Variants in CNTN1 observed in about 807,000 individuals in gnomAD.
CNTN1 encodes the protein contactin 1.
In CNTN1, 38 loss-of-function variants were observed where a neutral mutation model predicts 126.4. The observed-to-expected ratio is 0.30, with a 90% confidence interval of 0.23 to 0.39. The LOEUF (loss-of-function observed/expected upper bound fraction) is 0.39, where lower values mean the gene tolerates loss of function less well. Ranked by LOEUF, CNTN1 falls within the 10% of genes least tolerant of loss-of-function variation. The pLI is 1.00. For missense variants in CNTN1, 1,009 were observed against 1,248.4 expected (o/e 0.81, Z 2.89); for synonymous variants, 413 against 422.6 (o/e 0.98, Z 0.28).
At chr12:40,983,009 G>T (rs1053063579) in intron 16 of CNTN1, among the ~76,000 whole-genome samples, 5 of 151,762 alleles carry the variant, frequency 3.3e-5, no homozygotes, top group African/African-American at 1.2e-4. Context: ...GTTAATGGGT[G>T]CAGTAAACCA....
At chr12:40,849,983 A>G (rs756973237) in intron 1 of CNTN1, among the ~76,000 whole-genome samples, 10 of 152,052 alleles carry the variant, frequency 6.6e-5, no homozygotes, top group Non-Finnish European at 1.3e-4. Context: ...AGATCTATAT[A>G]TATATATGTG....
chr12:40,819,313 T>C (rs1170385186), intron 1 of CNTN1, among the ~76,000 whole-genome samples: 1 of 152,164 alleles, frequency 6.6e-6, no homozygotes, highest in Non-Finnish European at 1.5e-5. Context: ...CCCCAGAGAC[T>C]GCGGCCACCC....
chr12:40,972,311 A>G (rs893685275), intron 15 of CNTN1: 4 of 985,212 alleles, frequency 4.1e-6, no homozygotes, highest in African/African-American at 1.7e-5. Flanking sequence ...TGAGGAGTAT[A>G]TAATTCTTTC....
intron 1 of CNTN1, among the ~76,000 whole-genome samples, chr12:40,852,828 A>G (rs902361748): frequency 7.9e-5 from 12 of 151,626 alleles, no homozygotes; most frequent in Non-Finnish European, 1.3e-4. Flanking sequence ...ATTAATTTTC[A>G]TGATTCTAAA....
At chr12:41,014,656 G>C (rs779071097) in intron 18 of CNTN1, among the ~76,000 whole-genome samples, 6 of 152,102 alleles carry the variant, frequency 3.9e-5, no homozygotes, top group African/African-American at 1.2e-4. Context: ...TACAAACTTT[G>C]TATCAAAACC....
intron 1 of CNTN1, among the ~76,000 whole-genome samples, chr12:40,835,986 ATGTGTGTG>A (rs752905803): frequency 1.4e-4 from 7 of 51,346 alleles, no homozygotes; most frequent in Non-Finnish European, 2.3e-4. Flanking sequence ...AGGTATATAT[ATGTGTGTG>A]TGTGTGTGTG....
chr12:40,744,122 T>A (rs1938066607), intron 1 of CNTN1, among the ~76,000 whole-genome samples: 1 of 151,736 alleles, frequency 6.6e-6, no homozygotes, highest in Non-Finnish European at 1.5e-5. Flanking sequence ...CAATACACAC[T>A]GGGGCCTGTC....
At chr12:40,946,277 A>C (rs887717595) in intron 14 of CNTN1, among the ~76,000 whole-genome samples, 3 of 152,118 alleles carry the variant, frequency 2.0e-5, no homozygotes, top group African/African-American at 7.2e-5. Flanking sequence ...GATAGTCCTA[A>C]CAGCTATTAA....
At chr12:40,699,715 T>A (rs1445454183) in intron 1 of CNTN1, among the ~76,000 whole-genome samples, 1 of 152,154 alleles carries the variant, frequency 6.6e-6, no homozygotes, top group African/African-American at 2.4e-5. Flanking sequence ...TCGTAACAGT[T>A]TTGAAAGTTA....
chr12:41,004,602 A>G (rs1324098267), intron 17 of CNTN1, among the ~76,000 whole-genome samples: 1 of 152,214 alleles, frequency 6.6e-6, no homozygotes, highest in Non-Finnish European at 1.5e-5. Context: ...AATTTGCTTT[A>G]TGAATCTGGG....
intron 1 of CNTN1, among the ~76,000 whole-genome samples, chr12:40,844,069 A>ATTTTTTGTTTTTTTTTTTTTTT (rs1942397719): frequency 1.2e-5 from 1 of 84,684 alleles, no homozygotes; most frequent in East Asian, 4.8e-4. Flanking sequence ...TGGCACAATG[A>ATTTTTTGTTTTTTTTTTTTTTT]TTTTTTTTTT....
chr12:40,726,512 C>T (rs1942354581), intron 1 of CNTN1, among the ~76,000 whole-genome samples: 1 of 152,096 alleles, frequency 6.6e-6, no homozygotes, highest in Non-Finnish European at 1.5e-5. Context: ...GCTTATACAA[C>T]CATCAGATCT....
intron 1 of CNTN1, among the ~76,000 whole-genome samples, chr12:40,810,823 CT>C (rs758051598): frequency 5.9e-5 from 9 of 152,020 alleles, no homozygotes; most frequent in Non-Finnish European, 1.0e-4. Context: ...TTGAAACCAG[CT>C]AGGCAACATA....
intron 1 of CNTN1, among the ~76,000 whole-genome samples, chr12:40,716,601 C>G (rs1226762373): frequency 6.6e-6 from 1 of 152,104 alleles, no homozygotes; most frequent in African/African-American, 2.4e-5. Flanking sequence ...GCTGCATTTC[C>G]AAGTATATCT....
chr12:40,919,553 A>T (rs558638030), intron 4 of CNTN1, among the ~76,000 whole-genome samples: 35 of 152,240 alleles, frequency 2.3e-4, no homozygotes, highest in Middle Eastern at 3.4e-3. Context: ...ATGTCACCTG[A>T]CTTAATTGAA....
chr12:40,711,711 C>T (rs1302330858), intron 1 of CNTN1, among the ~76,000 whole-genome samples: 1 of 151,802 alleles, frequency 6.6e-6, no homozygotes, highest in Non-Finnish European at 1.5e-5. Flanking sequence ...TACTCTTCCA[C>T]CTTTTCTTCT....
At chr12:40,981,187 A>G in intron 16 of CNTN1, 120 bp downstream of exon 16, 1 of 908,148 alleles carries the variant, frequency 1.1e-6, no homozygotes, top group South Asian at 1.6e-5. Flanking sequence ...TCTTTCTTAA[A>G]TTTTTTAAAA....
At chr12:41,011,648 C>G (rs1212335380) in intron 17 of CNTN1, among the ~76,000 whole-genome samples, 2 of 152,166 alleles carry the variant, frequency 1.3e-5, no homozygotes, top group African/African-American at 4.8e-5. Context: ...CAACTCTAGT[C>G]CTCTGCCTAG....
chr12:40,856,421 G>A (rs1565838609), intron 1 of CNTN1, among the ~76,000 whole-genome samples: 2 of 152,076 alleles, frequency 1.3e-5, no homozygotes, highest in Non-Finnish European at 2.9e-5. Flanking sequence ...TATTCCTCTG[G>A]AGAGTAGAAA....
Sources: gnomAD v4.1 joint callset for allele counts (sites outside exome capture counted in the v4.1 genomes callset) on GRCh38, gnomAD v4.1.1 for gene constraint, MANE v1.5 for transcripts, NCBI Gene and HGNC (gene_info 2026-07-23, HGNC 2026-07-21) for gene names.